Variants in GPHN observed in about 807,000 individuals in gnomAD.
GPHN encodes gephyrin.
Under a neutral mutation model 95.5 loss-of-function variants are expected in GPHN, and 17 were observed. The observed-to-expected ratio is 0.18, with a 90% CI of 0.12 to 0.27. GPHN has a LOEUF of 0.27. GPHN is among the 10% of genes least tolerant of loss of function. GPHN has a pLI of 1.00. For missense variants in GPHN, 660 were observed against 978.1 expected, an observed-to-expected ratio of 0.67 and a Z score of 4.34; for synonymous variants, 320 against 322.5, an observed-to-expected ratio of 0.99 and a Z score of 0.08.
intron 21 of GPHN, among the ~76,000 whole-genome samples, chr14:67,178,150 A>G (rs908141934): frequency 1.3e-5 from 2 of 152,178 alleles, no homozygotes; most frequent in Admixed American, 6.5e-5. Flanking sequence ...CAGTTTCCTC[A>G]TAGCATCAAT....
At chr14:66,647,518 T>C (rs2064821422) in intron 1 of GPHN, among the ~76,000 whole-genome samples, 4 of 152,002 alleles carry the variant, frequency 2.6e-5, no homozygotes, top group Admixed American at 2.6e-4. Context: ...GAACCCTAGT[T>C]GATCCCTGAA....
At chr14:67,069,795 A>G (rs1210128814) in intron 11 of GPHN, among the ~76,000 whole-genome samples, 1 of 152,236 alleles carries the variant, frequency 6.6e-6, no homozygotes, top group Non-Finnish European at 1.5e-5. Context: ...ATTCAGGAAT[A>G]TATCTCTGTC....
the GPHN span, among the ~76,000 whole-genome samples, chr14:67,605,078 G>A: frequency 6.6e-6 from 1 of 152,050 alleles, no homozygotes; most frequent in Non-Finnish European, 1.5e-5. Flanking sequence ...CTTCAAAATT[G>A]TATTGGCTAT....
chr14:67,241,271 C>T, the GPHN span: 1 of 152,202 alleles, frequency 6.6e-6, no homozygotes, highest in Non-Finnish European at 1.5e-5. Context: ...GCCAGAGTCC[C>T]GGGGGCGCGT....
intron 11 of GPHN, among the ~76,000 whole-genome samples, chr14:67,085,957 A>C (rs900971414): frequency 6.6e-6 from 1 of 152,156 alleles, no homozygotes; most frequent in African/African-American, 2.4e-5. Context: ...TGGAATCATA[A>C]AATATTTGTC....
intron 10 of GPHN, 104 bp downstream of exon 10, chr14:67,023,779 G>A: frequency 1.1e-6 from 1 of 897,958 alleles, no homozygotes; most frequent in Non-Finnish European, 1.8e-6. Flanking sequence ...GAATATTTAT[G>A]TGACAAATAT....
At chr14:67,515,362 G>T in the GPHN span, 1 of 168,836 alleles carries the variant, frequency 5.9e-6, no homozygotes, top group Non-Finnish European at 1.2e-5. Flanking sequence ...GGCGGCGCGG[G>T]GTCCGGGGGG....
At chr14:67,168,511 C>A (rs1378898266) in intron 20 of GPHN, among the ~76,000 whole-genome samples, 1 of 151,984 alleles carries the variant, frequency 6.6e-6, no homozygotes, top group Non-Finnish European at 1.5e-5. Flanking sequence ...TTATGCTTAT[C>A]TATGTTTTCT....
the GPHN span, among the ~76,000 whole-genome samples, chr14:67,602,184 C>T: frequency 0.99 from 150,659 of 152,296 alleles, 74,537 homozygotes; most frequent in Middle Eastern, 1. Context: ...AGGAAACTTA[C>T]AATAATGGTG....
chr14:67,685,965 A>G, the GPHN span: 1 of 151,964 alleles, frequency 6.6e-6, no homozygotes, highest in African/African-American at 2.4e-5. Context: ...GGTTTTCCTA[A>G]CCTTTCTGGC....
intron 1 of GPHN, among the ~76,000 whole-genome samples, chr14:66,638,329 G>T (rs1300123404): frequency 1.3e-5 from 2 of 152,228 alleles, no homozygotes; most frequent in African/African-American, 4.8e-5. Flanking sequence ...AGCTACTCAG[G>T]AGGCTGAGGC....
the GPHN span, among the ~76,000 whole-genome samples, chr14:67,265,957 A>G: frequency 6.6e-6 from 1 of 151,814 alleles, no homozygotes; most frequent in Non-Finnish European, 1.5e-5. Context: ...AAAAACTTTT[A>G]AAAAAAATCT....
the GPHN span, chr14:67,360,352 C>G: frequency 1.5e-4 from 59 of 397,456 alleles, no homozygotes; most frequent in Middle Eastern, 6.3e-4. Context: ...GAGCGAAGCG[C>G]ACGCTGAGGA....
chr14:66,839,936 C>A (rs778443743), intron 4 of GPHN, among the ~76,000 whole-genome samples: 1 of 152,072 alleles, frequency 6.6e-6, no homozygotes, highest in African/African-American at 2.4e-5. Context: ...ATGAATATCA[C>A]CCTCTTTAAT....
In GPHN at chr14:66,785,733, C is replaced by CA. The variant is rs1389067552; in HGVS notation, c.201+9224dup. On this transcript the variant is annotated intron_variant, in intron 3 of 22. Coordinates refer to ENST00000478722, the MANE Select transcript of GPHN (RefSeq NM_020806.5). ...AACCAAAAAAAAACCAAAAAACAAA[C>CA]AAAAAAAAAAAACAGAAAAATATCA... Among the ~76,000 whole-genome samples the CA allele has an allele frequency of 7.5e-3, 801 of 106,768 alleles. 6 individuals are homozygous for CA. Among genetic ancestry groups the CA allele is most frequent in the East Asian group, 0.031 (100 of 3,264 alleles). 70.0% of individuals were successfully genotyped at this position (106,768 alleles called of 152,430 possible).
the GPHN span, among the ~76,000 whole-genome samples, chr14:67,287,506 A>G: frequency 6.6e-6 from 1 of 152,226 alleles, no homozygotes; most frequent in Non-Finnish European, 1.5e-5. Context: ...AACTTGTAAA[A>G]ATATGTTCTA....
At chr14:67,445,357 A>T in the GPHN span, among the ~76,000 whole-genome samples, 11 of 151,992 alleles carry the variant, frequency 7.2e-5, no homozygotes, top group Non-Finnish European at 1.3e-4. Context: ...TAACTTGTGG[A>T]ATCTGATACT....
intron 1 of GPHN, among the ~76,000 whole-genome samples, chr14:66,544,138 T>A (rs1267159563): frequency 6.6e-6 from 1 of 152,234 alleles, no homozygotes; most frequent in Non-Finnish European, 1.5e-5. Flanking sequence ...CTGACCTCAT[T>A]GCTGTTCCTG....
the GPHN span, among the ~76,000 whole-genome samples, chr14:67,429,367 A>T: frequency 6.6e-6 from 1 of 151,526 alleles, no homozygotes; most frequent in African/African-American, 2.4e-5. Flanking sequence ...AGTAGCTAGG[A>T]TTACAGGCAC....
Sources: gnomAD v4.1 joint callset for allele counts (sites outside exome capture counted in the v4.1 genomes callset) on GRCh38, gnomAD v4.1.1 for gene constraint, MANE v1.5 for transcripts, NCBI Gene and HGNC (gene_info 2026-07-23, HGNC 2026-07-21) for gene names.